GPR153: variants seen among roughly 807,000 people sequenced by gnomAD.
The protein encoded by GPR153 is probable G protein-coupled receptor 153.
In GPR153, 27 loss-of-function variants were observed where a neutral mutation model predicts 34.1. That is an observed-to-expected ratio of 0.79 (90% CI 0.58 to 1.09). The LOEUF (loss-of-function observed/expected upper bound fraction) is 1.09. Ranked by LOEUF, GPR153 falls within the 50% of genes least tolerant of loss-of-function variation. The probability of loss-of-function intolerance (pLI) is 0.00; values close to 1 mark genes in which losing one functional copy is unlikely to be tolerated. For missense variants in GPR153, 848 were observed against 860.2 expected (o/e 0.99, Z 0.18); for synonymous variants, 408 against 405.4 (o/e 1.01, Z -0.08).
At chr1:6,255,520 G>C (rs1638547998) in intron 1 of GPR153, among the ~76,000 whole-genome samples, 1 of 151,704 alleles carries the variant, frequency 6.6e-6, no homozygotes, top group African/African-American at 2.4e-5. Flanking sequence ...TATCACCCAG[G>C]CTGGAGTGCA....
At chr1:6,260,336 C>G (rs1055628267) in intron 1 of GPR153, among the ~76,000 whole-genome samples, 4 of 145,800 alleles carry the variant, frequency 2.7e-5, no homozygotes, top group African/African-American at 1.0e-4. Context: ...ACGCCCCCCC[C>G]AGCCCCCGCC....
At position 6,248,344 on chromosome 1, in the gene GPR153, G is replaced by A. The variant is rs1257058810; in HGVS notation, c.*994C>T. The A allele has an allele frequency of 1.3e-5, 2 of 152,338 alleles. No individual in the cohort carries two copies. Among genetic ancestry groups the A allele is most frequent in the Non-Finnish European group, 2.9e-5 (2 of 68,162 alleles). 9.4% of individuals were successfully genotyped at this position (152,338 alleles called of 1,614,324 possible). ...GCCTGCACGGGTGGGGAGTGAGGCTGGGGATGACGCAGGGACACGGAAGGC... is the reference window on the plus strand; with the variant it reads ...GCCTGCACGGGTGGGGAGTGAGGCTAGGGATGACGCAGGGACACGGAAGGC... On this transcript the variant is annotated 3_prime_UTR_variant, in exon 6 of 6. Transcript: ENST00000377893.
At position 6,250,593 on chromosome 1, in the gene GPR153, G is replaced by C. The variant is rs1571237594; in HGVS notation, c.1011C>G (p.Asp337Glu). 6.9e-7 allele frequency: 1 copy of C among 1,455,520 alleles called. No homozygotes were observed. Among genetic ancestry groups the C allele is most frequent in the Non-Finnish European group, 9.2e-7 (1 of 1,086,092 alleles). The allele number at this position is 1,455,520 out of a possible 1,614,324, so 90.2% of individuals were successfully genotyped here. The change falls in exon 5 of 6, where the codon GAC becomes GAG. Residue 337 changes from aspartate (D) to glutamate (E), a missense_variant. Coordinates refer to ENST00000377893, the MANE Select transcript of GPR153 (RefSeq NM_207370.4). ...AGTCCAGGGAGCGCTCCAACACCAG[G>C]TCCGGGGAGATGCCACCTTCCAGGC... is the stretch of plus-strand genomic sequence containing the variant. ...ETSLEGGISPDLVLERSLDYG... is the reference protein window; with the variant it reads ...ETSLEGGISPELVLERSLDYG...
chr1:6,259,215 T>C (rs1429520675), intron 1 of GPR153, among the ~76,000 whole-genome samples: 5 of 152,204 alleles, frequency 3.3e-5, no homozygotes, highest in Non-Finnish European at 7.3e-5. Context: ...TGAGCCATGA[T>C]TGTGCCACTG....
chr1:6,251,518 T>C lies in GPR153; in HGVS notation c.799A>G (p.Ser267Gly). ...MGFPVLVVSFSSLRADASAPW... is the reference protein window; with the variant it reads ...MGFPVLVVSFGSLRADASAPW... ...GCTGAGGCGTCGGCCCGCAGGCTGC[T>C]GAAGCTCACCACCTGTGGGCACAGG... The change falls in exon 4 of 6, where the codon AGC becomes GGC. Residue 267 changes from serine (S) to glycine (G), a missense_variant. Physicochemically the swap from Ser to Gly is moderately conservative, Grantham distance 56 (BLOSUM62 0). Coordinates refer to ENST00000377893, the MANE Select transcript of GPR153 (RefSeq NM_207370.4). The surrounding 1 kb of genome is among the most constrained non-coding windows in gnomAD (Gnocchi z 4.9). 6.3e-7 allele frequency: 1 copy of C among 1,599,748 alleles called. No individual in the cohort carries two copies. Among genetic ancestry groups the C allele is most frequent in the Non-Finnish European group, 8.5e-7 (1 of 1,174,382 alleles).
At position 6,249,688 on chromosome 1, in the gene GPR153, C is replaced by A. The variant is rs1044336659; in HGVS notation, c.1480G>T (p.Ala494Ser). Residue 494 changes from alanine (A) to serine (S), a missense_variant, in exon 6 of 6, where the codon GCC becomes TCC. Transcript: ENST00000377893. This position sits in a 1 kb window ranked among gnomAD's most constrained non-coding sequence, Gnocchi z 4.3. ...RRRPGPGPRS[A>S]SASLLPDAFA... Reference sequence around the variant, plus strand: ...GCGTCGGGCAGCAGCGAGGCCGAGGCGGAGCGGGGGCCGGGCCCGGGGCGG... The same window carrying A: ...GCGTCGGGCAGCAGCGAGGCCGAGGAGGAGCGGGGGCCGGGCCCGGGGCGG... The A allele has an allele frequency of 4.8e-6, 5 of 1,050,112 alleles. No homozygotes were observed. Among genetic ancestry groups the A allele is most frequent in the Non-Finnish European group, 5.7e-6 (5 of 873,934 alleles). 65.0% of individuals were successfully genotyped at this position (1,050,112 alleles called of 1,614,324 possible).
chr1:6,251,594 A>C lies in GPR153; in HGVS notation c.787-64T>G, dbSNP rs942451131. The C allele has an allele frequency of 2.0e-6, 3 of 1,465,532 alleles. No homozygotes were observed. The African/African-American group carries it at 4.2e-5, about 21-fold the overall frequency. The allele number at this position is 1,465,532 out of a possible 1,614,324, so 90.8% of individuals were successfully genotyped here. A position where few individuals can be genotyped will look rare whatever the true frequency, so the allele number is the denominator to read the frequency against. ...CCCACCATCACACAAGCTCCCCCTG[A>C]GTCTCGGTCTCCCCATGTGTACGGC... On this transcript the variant is annotated intron_variant, in intron 3 of 5. Coordinates refer to ENST00000377893, the MANE Select transcript of GPR153 (RefSeq NM_207370.4). This position sits in a 1 kb window ranked among gnomAD's most constrained non-coding sequence, Gnocchi z 4.9.
rs1638669200 is a variant in GPR153 at position 6,261,042 on chromosome 1, GCC to G, written c.-329_-328del. 6.8e-6 allele frequency: 1 copy of G among 147,180 alleles called. No homozygotes were observed. The highest frequency in any genetic ancestry group is 6.8e-5 in the Admixed American group (1 of 14,784). The allele number at this position is 147,180 out of a possible 1,614,324, so 9.1% of individuals were successfully genotyped here. ...GCCGCCCCTCCCTCCCCTAGGCGCC[GCC>G]GCCGCCGCCGCGCTTCGCTCAGCTC... On this transcript the variant is annotated 5_prime_UTR_variant, in exon 1 of 6. Transcript: ENST00000377893.
rs148652706 is a variant in GPR153 at position 6,251,501 on chromosome 1, G to A, written c.816C>T (p.Asp272=). 9.4e-5 allele frequency: 151 copies of A among 1,608,056 alleles called. No individual in the cohort carries two copies. The highest frequency in any genetic ancestry group is 1.2e-4 in the Non-Finnish European group (136 of 1,177,954). ...AGAGTGCCATCCAGGGCGCTGAGGCGTCGGCCCGCAGGCTGCTGAAGCTCA... is the reference window on the plus strand; with the variant it reads ...AGAGTGCCATCCAGGGCGCTGAGGCATCGGCCCGCAGGCTGCTGAAGCTCA... ...LVVSFSSLRA[D]ASAPWMALCV... Residue 272 remains aspartate (D), a synonymous_variant, in exon 4 of 6, where the codon GAC becomes GAT. Transcript: ENST00000377893. The surrounding 1 kb of genome is among the most constrained non-coding windows in gnomAD (Gnocchi z 4.9).
chr1:6,249,394 A>AG lies in GPR153; in HGVS notation c.1773dup (p.Ser592LeufsTer114). 1.5e-6 allele frequency: 2 copies of AG among 1,365,202 alleles called. No homozygotes were observed. Among genetic ancestry groups the AG allele is most frequent in the Non-Finnish European group, 1.9e-6 (2 of 1,062,794 alleles). 84.6% of individuals were successfully genotyped at this position (1,365,202 alleles called of 1,614,324 possible). ...AGCGTGGCGTAGCCCGAGGACTCGG[A>AG]GGGGGAACTCAGGAAGCTGCTGGTG... On this transcript the variant is annotated frameshift_variant, in exon 6 of 6. Coordinates refer to ENST00000377893, the MANE Select transcript of GPR153 (RefSeq NM_207370.4). LOFTEE classifies it high-confidence loss of function. The surrounding 1 kb of genome is among the most constrained non-coding windows in gnomAD (Gnocchi z 4.3).
intron 1 of GPR153, among the ~76,000 whole-genome samples, chr1:6,258,415 C>T (rs544300376): frequency 6.6e-6 from 1 of 152,334 alleles, no homozygotes; most frequent in South Asian, 2.1e-4. Flanking sequence ...AGGCATGAGC[C>T]ACCGCGCCCA....
At chr1:6,255,787 G>C (rs1207129228) in intron 1 of GPR153, among the ~76,000 whole-genome samples, 2 of 151,208 alleles carry the variant, frequency 1.3e-5, no homozygotes, top group African/African-American at 4.9e-5. Context: ...TGAGTAGCTA[G>C]GATTACAGGC....
At position 6,261,044 on chromosome 1, in the gene GPR153, C is replaced by T. The variant is rs1276365826; in HGVS notation, c.-329G>A. The T allele has an allele frequency of 2.7e-5, 4 of 147,604 alleles. No homozygotes were observed. The highest frequency in any genetic ancestry group is 6.8e-5 in the Admixed American group (1 of 14,796). The allele number at this position is 147,604 out of a possible 1,614,324, so 9.1% of individuals were successfully genotyped here. On this transcript the variant is annotated 5_prime_UTR_variant, in exon 1 of 6. Transcript: ENST00000377893. ...CGCCCCTCCCTCCCCTAGGCGCCGC[C>T]GCCGCCGCCGCGCTTCGCTCAGCTC...
Position 6,253,964 on chromosome 1 carries a change from C to A in GPR153, c.540G>T (p.Val180=). ...TCACGCCCATGGCCACGCTGCCGCC[C>A]ACCAGCAGCAGGAAGCAGACGCCAA... is the stretch of plus-strand genomic sequence containing the variant. The part of the protein sequence containing the change: ...LGFGVCFLLL[V]GGSVAMGVIC... The change falls in exon 3 of 6, where the codon GTG becomes GTT. Residue 180 remains valine (V), a synonymous_variant. Coordinates refer to ENST00000377893, the MANE Select transcript of GPR153 (RefSeq NM_207370.4). The A allele has an allele frequency of 6.2e-7, 1 of 1,612,812 alleles. No individual in the cohort carries two copies. Among genetic ancestry groups the A allele is most frequent in the East Asian group, 2.2e-5 (1 of 44,880 alleles).
At position 6,249,675 on chromosome 1, in the gene GPR153, A is replaced by C; in HGVS notation, c.1493T>G (p.Leu498Arg). The C allele has an allele frequency of 9.4e-7, 1 of 1,062,474 alleles. No individual in the cohort carries two copies. The highest frequency in any genetic ancestry group is 1.1e-6 in the Non-Finnish European group (1 of 881,842). The allele number at this position is 1,062,474 out of a possible 1,614,324, so 65.8% of individuals were successfully genotyped here. Residue 498 changes from leucine (L) to arginine (R), a missense_variant, in exon 6 of 6, where the codon CTG (leucine) becomes CGG (arginine). Physicochemically the swap from Leu to Arg is moderately radical, Grantham distance 102. Transcript: ENST00000377893. This position sits in a 1 kb window ranked among gnomAD's most constrained non-coding sequence, Gnocchi z 4.3. ...GPGPRSASAS[L>R]LPDAFALTAF... ...GGTCAGGGCGAAGGCGTCGGGCAGC[A>C]GCGAGGCCGAGGCGGAGCGGGGGCC... is the stretch of plus-strand genomic sequence containing the variant.
At position 6,254,868 on chromosome 1, in the gene GPR153, C is replaced by A. The variant is rs1052942325; in HGVS notation, c.38G>T (p.Gly13Val). ...DERRLPGSAV[G>V]WLVCGGLSLL... is the part of the protein sequence containing the mutation. ...GGAGAGGCCCCCACATACCAGCCAGCCCACTGCACTGCCAGGCAGCCGCCG... is the reference window on the plus strand; with the variant it reads ...GGAGAGGCCCCCACATACCAGCCAGACCACTGCACTGCCAGGCAGCCGCCG... The change falls in exon 2 of 6, where the codon GGC becomes GTC. Residue 13 changes from glycine to valine, a missense_variant. Physicochemically the swap from Gly to Val is moderately radical, Grantham distance 109. Transcript: ENST00000377893. 4 of 1,590,208 alleles carry A rather than the reference C, an allele frequency of 2.5e-6. No individual in the cohort carries two copies. The highest frequency in any genetic ancestry group is 3.4e-6 in the Non-Finnish European group (4 of 1,167,290).
At chr1:6,257,453 CCA>C (rs1327750759) in intron 1 of GPR153, among the ~76,000 whole-genome samples, 1 of 152,234 alleles carries the variant, frequency 6.6e-6, no homozygotes, top group African/African-American at 2.4e-5. Flanking sequence ...GTTAAAGCCC[CCA>C]CACAGCAGCG....
chr1:6,251,796 C>A lies in GPR153; in HGVS notation c.787-266G>T, dbSNP rs111288508. Reference sequence around the variant, plus strand: ...GAGAGAAGTGGGGCATGGATTACCACCTCCTCCCCGCTTTGTTTTGAGACA... The same window carrying A: ...GAGAGAAGTGGGGCATGGATTACCAACTCCTCCCCGCTTTGTTTTGAGACA... On this transcript the variant is annotated intron_variant, in intron 3 of 5. Coordinates refer to ENST00000377893, the MANE Select transcript of GPR153 (RefSeq NM_207370.4). This position sits in a 1 kb window ranked among gnomAD's most constrained non-coding sequence, Gnocchi z 4.9. Among the ~76,000 whole-genome samples the A allele has an allele frequency of 4.3e-4, 65 of 152,324 alleles. No individual in the cohort carries two copies. Among genetic ancestry groups the A allele is most frequent in the African/African-American group, 1.5e-3 (61 of 41,564 alleles).
intron 1 of GPR153, among the ~76,000 whole-genome samples, chr1:6,258,836 C>T (rs533487430): frequency 3.3e-5 from 5 of 152,228 alleles, no homozygotes; most frequent in African/African-American, 9.6e-5. Context: ...TGGCCCCGCC[C>T]ACCCTGTCCA....
Sources: allele counts gnomAD v4.1 joint callset (sites outside exome capture counted in the v4.1 genomes callset), GRCh38; gene constraint gnomAD v4.1.1; non-coding constraint Gnocchi (gnomAD v3.1); transcripts MANE v1.5; gene names NCBI Gene and HGNC (gene_info 2026-07-23, HGNC 2026-07-21).